Variants in SPOCK1 observed in about 807,000 individuals in gnomAD.
SPOCK1 encodes testican-1.
In SPOCK1, 23 loss-of-function variants were observed where a neutral mutation model predicts 55.3. The ratio of observed to expected loss-of-function variants is 0.42; its 90% CI spans 0.30 to 0.59. The LOEUF (loss-of-function observed/expected upper bound fraction) is 0.59. Among genes scored for constraint, SPOCK1 ranks in the 20% least tolerant of loss-of-function variants. SPOCK1 has a pLI of 0.22. For synonymous variants in SPOCK1, 226 were observed against 221.0 expected (o/e 1.02, Z -0.20); for missense variants, 499 against 552.5 (o/e 0.90, Z 0.97).
At chr5:137,062,813 ATTTG>A (rs1752419068) in intron 6 of SPOCK1, among the ~76,000 whole-genome samples, 1 of 151,964 alleles carries the variant, frequency 6.6e-6, no homozygotes, top group South Asian at 2.1e-4. Flanking sequence ...GTTTTCCTTT[ATTTG>A]TTTTTTGTTT....
intron 2 of SPOCK1, among the ~76,000 whole-genome samples, chr5:137,399,582 T>C (rs757968735): frequency 7.3e-5 from 11 of 151,648 alleles, no homozygotes; most frequent in South Asian, 2.1e-4. Context: ...CATGCAGAGA[T>C]TGACCACCAC....
intron 2 of SPOCK1, among the ~76,000 whole-genome samples, chr5:137,316,185 G>A (rs1390297315): frequency 3.3e-5 from 5 of 152,324 alleles, no homozygotes; most frequent in East Asian, 1.9e-4. Context: ...GTGGAAGGAC[G>A]AGAGCCAAAT....
At chr5:137,368,341 C>G (rs1751121643) in intron 2 of SPOCK1, among the ~76,000 whole-genome samples, 1 of 152,078 alleles carries the variant, frequency 6.6e-6, no homozygotes, top group African/African-American at 2.4e-5. Flanking sequence ...ACAACTGGAC[C>G]ATGCCACACA....
intron 3 of SPOCK1, among the ~76,000 whole-genome samples, chr5:137,265,913 T>C (rs951597259): frequency 1.3e-5 from 2 of 152,238 alleles, no homozygotes; most frequent in Non-Finnish European, 2.9e-5. Flanking sequence ...CTATCCCCAG[T>C]ACCTGGCTTG....
At chr5:137,061,524 A>C (rs1752394008) in intron 6 of SPOCK1, among the ~76,000 whole-genome samples, 1 of 152,182 alleles carries the variant, frequency 6.6e-6, no homozygotes, top group Non-Finnish European at 1.5e-5. Context: ...CCCTGTTGGA[A>C]AAACTTGCAG....
At chr5:137,167,590 A>G (rs564070051) in intron 3 of SPOCK1, among the ~76,000 whole-genome samples, 2 of 152,178 alleles carry the variant, frequency 1.3e-5, no homozygotes, top group South Asian at 2.1e-4. Flanking sequence ...AACTTGAAAC[A>G]TTCAGAAAAA....
chr5:137,037,113 T>C (rs1751899934), intron 6 of SPOCK1, among the ~76,000 whole-genome samples: 1 of 152,054 alleles, frequency 6.6e-6, no homozygotes, highest in South Asian at 2.1e-4. Context: ...ATATTCTGTA[T>C]ACCTGAATCC....
chr5:137,163,714 T>C (rs1754600307), intron 3 of SPOCK1, among the ~76,000 whole-genome samples: 1 of 152,210 alleles, frequency 6.6e-6, no homozygotes, highest in African/African-American at 2.4e-5. Flanking sequence ...CTTCAAGGCC[T>C]ATTCTCTTAG....
At chr5:137,240,638 T>A (rs1756263254) in intron 3 of SPOCK1, among the ~76,000 whole-genome samples, 2 of 152,140 alleles carry the variant, frequency 1.3e-5, no homozygotes, top group African/African-American at 4.8e-5. Flanking sequence ...AGCTGTCAAC[T>A]CTCCTTAAGG....
intron 4 of SPOCK1, among the ~76,000 whole-genome samples, chr5:137,123,114 A>G (rs1488341237): frequency 1.3e-5 from 2 of 152,308 alleles, no homozygotes; most frequent in Admixed American, 6.5e-5. Context: ...GTCATTCACA[A>G]AAGCGCTACA....
chr5:137,140,747 A>ATTTTTTTTTTTTTTTTTTTTTTT (rs11309240), intron 3 of SPOCK1, 53 bp from the exon 4 acceptor site: 2 of 328,300 alleles, frequency 6.1e-6, no homozygotes, highest in Non-Finnish European at 4.7e-6. Context: ...GGGAAATTTA[A>ATTTTTTTTTTTTTTTTTTTTTTT]TTTTTTTTTT....
chr5:137,145,311 G>A (rs1298620594), intron 3 of SPOCK1, among the ~76,000 whole-genome samples: 1 of 152,140 alleles, frequency 6.6e-6, no homozygotes, highest in Non-Finnish European at 1.5e-5. Context: ...CTCAATTAAG[G>A]TGGTGATATT....
chr5:137,261,874 G>T (rs1018082433), intron 3 of SPOCK1, among the ~76,000 whole-genome samples: 5 of 152,146 alleles, frequency 3.3e-5, no homozygotes, highest in Non-Finnish European at 7.3e-5. Flanking sequence ...AATTGGGGAG[G>T]TTCTTTCCTG....
At chr5:137,460,621 G>A (rs1208620895) in intron 2 of SPOCK1, among the ~76,000 whole-genome samples, 2 of 152,146 alleles carry the variant, frequency 1.3e-5, no homozygotes, top group African/African-American at 4.8e-5. Context: ...GTAACATGAA[G>A]TTGCAAAGAC....
chr5:137,343,255 G>A (rs764281160), intron 2 of SPOCK1, among the ~76,000 whole-genome samples: 37 of 152,138 alleles, frequency 2.4e-4, no homozygotes, highest in Middle Eastern at 3.2e-3. Context: ...CTTCAGGAGG[G>A]GACAATGAGT....
chr5:136,994,070 A>G (rs1175419372), intron 6 of SPOCK1, among the ~76,000 whole-genome samples: 1 of 152,100 alleles, frequency 6.6e-6, no homozygotes, highest in Non-Finnish European at 1.5e-5. Context: ...CACCCTCCAT[A>G]TTAGAGGAGA....
chr5:137,154,287 CA>C (rs200287172), intron 3 of SPOCK1, among the ~76,000 whole-genome samples: 3 of 150,578 alleles, frequency 2.0e-5, no homozygotes, highest in South Asian at 4.2e-4. Flanking sequence ...AACTCCATCT[CA>C]AAAAAAAAGA....
chr5:137,322,245 A>G (rs1757992544), intron 2 of SPOCK1, among the ~76,000 whole-genome samples: 2 of 152,078 alleles, frequency 1.3e-5, no homozygotes, highest in Non-Finnish European at 2.9e-5. Context: ...AGGTAAGAGA[A>G]TAACCTGAGC....
intron 3 of SPOCK1, among the ~76,000 whole-genome samples, chr5:137,147,979 A>G (rs1754236635): frequency 6.6e-6 from 1 of 152,338 alleles, no homozygotes; most frequent in Non-Finnish European, 1.5e-5. Context: ...TGGCAAAGCC[A>G]GTACTCAGAA....
Sources: allele counts gnomAD v4.1 joint callset (sites outside exome capture counted in the v4.1 genomes callset), GRCh38; gene constraint gnomAD v4.1.1; transcripts MANE v1.5; gene names NCBI Gene and HGNC (gene_info 2026-07-23, HGNC 2026-07-21).